Variants in TRIM55 observed in about 807,000 individuals in gnomAD.
TRIM55 encodes the protein tripartite motif containing 55, also known as tripartite motif-containing protein 55.
Under a neutral mutation model 60.9 loss-of-function variants are expected in TRIM55, and 50 were observed. The ratio of observed to expected loss-of-function variants is 0.82; its 90% CI spans 0.65 to 1.04. The LOEUF (loss-of-function observed/expected upper bound fraction) is 1.04. Ranked by LOEUF, TRIM55 falls within the 50% of genes least tolerant of loss-of-function variation. TRIM55 has a pLI of 0.00. For synonymous variants in TRIM55, 237 were observed against 238.1 expected (o/e 1.00, Z 0.04); for missense variants, 681 against 666.9 (o/e 1.02, Z -0.23).
chr8:66,114,210 G>A, the TRIM55 span, among the ~76,000 whole-genome samples: 3 of 151,908 alleles, frequency 2.0e-5, no homozygotes, highest in Non-Finnish European at 4.4e-5. Context: ...TCAAATGGTA[G>A]AGCGCTCGCT....
chr8:66,150,564 G>A (rs1242463391), intron 7 of TRIM55, 98 bp downstream of exon 7: 1 of 1,391,368 alleles, frequency 7.2e-7, no homozygotes, highest in Non-Finnish European at 1.0e-6. Context: ...ATCACCTCCA[G>A]AATCAATGTC....
At chr8:66,121,583 A>G in the TRIM55 span, among the ~76,000 whole-genome samples, 1 of 152,218 alleles carries the variant, frequency 6.6e-6, no homozygotes, top group East Asian at 1.9e-4. Context: ...TGCTCTTGTA[A>G]CAGGTCGCTG....
In TRIM55 at chr8:66,152,647, T is replaced by C; in HGVS notation, c.1236+20T>C. ...ACACAGGTAACCCCTCCTGAGTCTC[T>C]TTCTACAGGGCACATGGGCGTGTCT... On this transcript the variant is annotated intron_variant, in intron 8 of 9. Coordinates refer to ENST00000315962, the MANE Select transcript of TRIM55 (RefSeq NM_184085.2). The C allele has an allele frequency of 6.2e-7, 1 of 1,610,548 alleles. No individual in the cohort carries two copies. Among genetic ancestry groups the C allele is most frequent in the Non-Finnish European group, 8.5e-7 (1 of 1,178,372 alleles).
At chr8:66,114,164 C>T in the TRIM55 span, among the ~76,000 whole-genome samples, 2,020 of 146,982 alleles carry the variant, frequency 0.014, 72 homozygotes, top group African/African-American at 0.047. Context: ...TCTAAAGGAA[C>T]AGATAATAAG....
intron 2 of TRIM55, among the ~76,000 whole-genome samples, chr8:66,130,618 A>G (rs537909483): frequency 2.0e-5 from 3 of 150,334 alleles, no homozygotes; most frequent in Admixed American, 6.6e-5. Flanking sequence ...GACCTCCTCC[A>G]GAAAGGCTGG....
At position 66,149,894 on chromosome 8, in the gene TRIM55, G is replaced by T; in HGVS notation, c.837+16G>T. 1 of 1,597,998 alleles carries T rather than the reference G, an allele frequency of 6.3e-7. No individual in the cohort carries two copies. Among genetic ancestry groups the T allele is most frequent in the Non-Finnish European group, 8.6e-7 (1 of 1,165,864 alleles). ...GTTTCTGCAGGTAAGTCTCTTTTTG[G>T]CACCAAAGTAACAACCCAAAAGGTG... On this transcript the variant is annotated intron_variant, in intron 5 of 9. Coordinates refer to ENST00000315962, the MANE Select transcript of TRIM55 (RefSeq NM_184085.2).
At chr8:66,135,304 C>A in intron 3 of TRIM55, 149 bp downstream of exon 3, 1 of 797,410 alleles carries the variant, frequency 1.3e-6, no homozygotes, top group Non-Finnish European at 2.1e-6. Context: ...ACAAGGTCTG[C>A]AGGAAGACAT....
At chr8:66,142,804 C>T (rs1442301628) in intron 4 of TRIM55, among the ~76,000 whole-genome samples, 1 of 152,152 alleles carries the variant, frequency 6.6e-6, no homozygotes, top group Non-Finnish European at 1.5e-5. Context: ...CCTGGGTGCC[C>T]AGAAGTTGGT....
intron 2 of TRIM55, among the ~76,000 whole-genome samples, chr8:66,131,183 T>A (rs906456260): frequency 6.6e-6 from 1 of 152,198 alleles, no homozygotes; most frequent in African/African-American, 2.4e-5. Context: ...CTCACAATAA[T>A]CCGGTGAGGT....
intron 9 of TRIM55, among the ~76,000 whole-genome samples, chr8:66,174,232 T>C (rs1336415294): frequency 1.3e-5 from 2 of 151,810 alleles, no homozygotes; most frequent in African/African-American, 4.8e-5. Flanking sequence ...CTCCACTGCA[T>C]GCATTACTGT....
At chr8:66,169,760 G>A (rs1390978812) in intron 9 of TRIM55, among the ~76,000 whole-genome samples, 1 of 152,152 alleles carries the variant, frequency 6.6e-6, no homozygotes, top group Admixed American at 6.5e-5. Flanking sequence ...GACCGAGATG[G>A]GCAGAAGGGA....
the TRIM55 span, among the ~76,000 whole-genome samples, chr8:66,121,524 T>C: frequency 6.6e-6 from 1 of 152,246 alleles, no homozygotes; most frequent in South Asian, 2.1e-4. Flanking sequence ...AAAGATTTCT[T>C]GTACATAGTG....
chr8:66,155,977 A>G (rs142205725), intron 9 of TRIM55, among the ~76,000 whole-genome samples: 186 of 152,334 alleles, frequency 1.2e-3, no homozygotes, highest in African/African-American at 4.2e-3. Context: ...GCAATTATTC[A>G]GTAATCCAGG....
chr8:66,145,877 A>G (rs1810070323), intron 4 of TRIM55, among the ~76,000 whole-genome samples: 1 of 152,212 alleles, frequency 6.6e-6, no homozygotes, highest in Admixed American at 6.5e-5. Flanking sequence ...TACTTAAAAT[A>G]TGGGCCCAGC....
chr8:66,166,348 C>T (rs779614340), intron 9 of TRIM55, among the ~76,000 whole-genome samples: 1 of 152,206 alleles, frequency 6.6e-6, no homozygotes, highest in Non-Finnish European at 1.5e-5. Flanking sequence ...TCTTGGGGAG[C>T]TGTTATGACA....
intron 9 of TRIM55, among the ~76,000 whole-genome samples, chr8:66,166,770 C>A (rs1412197594): frequency 6.6e-6 from 1 of 152,142 alleles, no homozygotes; most frequent in African/African-American, 2.4e-5. Context: ...AGCTTGTTGC[C>A]TTTTGATCTC....
chr8:66,134,107 T>A (rs1000275819), intron 2 of TRIM55, among the ~76,000 whole-genome samples: 3 of 152,228 alleles, frequency 2.0e-5, no homozygotes, highest in Non-Finnish European at 2.9e-5. Context: ...GCTCCCTAAA[T>A]TGATTTCATG....
rs570424674 is a variant in TRIM55, at chr8:66,154,478, C to A, written c.1524+144C>A. The A allele has an allele frequency of 8.9e-6, 8 of 902,406 alleles. No homozygotes were observed. In the Admixed American group the frequency reaches 1.4e-4, roughly 16 times the overall value. The allele number at this position is 902,406 out of a possible 1,614,324, so 55.9% of individuals were successfully genotyped here. A position where few individuals can be genotyped will look rare whatever the true frequency, so the allele number is the denominator to read the frequency against. On this transcript the variant is annotated intron_variant, in intron 9 of 9. Transcript: ENST00000315962. Reference sequence around the variant, plus strand: ...AAAAGTACAGAAACAATTCATCCCCCAATGTTGGCTTGTTTTGAGCTCTAT... The same window carrying A: ...AAAAGTACAGAAACAATTCATCCCCAAATGTTGGCTTGTTTTGAGCTCTAT...
chr8:66,166,261 T>G (rs1199687548), intron 9 of TRIM55, among the ~76,000 whole-genome samples: 1 of 152,212 alleles, frequency 6.6e-6, no homozygotes, highest in African/African-American at 2.4e-5. Context: ...GTGAGTAGGG[T>G]AATGAATTCA....
Sources: gnomAD v4.1 joint callset for allele counts (sites outside exome capture counted in the v4.1 genomes callset) on GRCh38, gnomAD v4.1.1 for gene constraint, MANE v1.5 for transcripts, NCBI Gene and HGNC (gene_info 2026-07-23, HGNC 2026-07-21) for gene names.